PAM: variants seen among roughly 807,000 people sequenced by gnomAD.
PAM encodes the protein peptidyl-glycine alpha-amidating monooxygenase.
Under a neutral mutation model 122.1 loss-of-function variants are expected in PAM, and 72 were observed. The observed-to-expected ratio is 0.59, with a 90% CI of 0.49 to 0.72. The LOEUF is 0.72. PAM is among the 30% of genes least tolerant of loss of function. The probability of loss-of-function intolerance (pLI) is 0.00; values close to 1 mark genes in which losing one functional copy is unlikely to be tolerated. For missense variants in PAM, 1,106 were observed against 1,183.7 expected (o/e 0.93, Z 0.96); for synonymous variants, 389 against 404.4 (o/e 0.96, Z 0.46).
chr5:102,830,963 T>C (rs1332693585), intron 1 of PAM, among the ~76,000 whole-genome samples: 1 of 152,188 alleles, frequency 6.6e-6, no homozygotes, highest in East Asian at 1.9e-4. Flanking sequence ...ACCAGCTCTC[T>C]CAATTAATAG....
intron 1 of PAM, among the ~76,000 whole-genome samples, chr5:102,848,507 T>G (rs994933633): frequency 6.6e-6 from 1 of 152,178 alleles, no homozygotes; most frequent in Non-Finnish European, 1.5e-5. Flanking sequence ...AAAGACCAAC[T>G]TGATGCTCAG....
chr5:102,778,785 G>T (rs1158457602), intron 1 of PAM, among the ~76,000 whole-genome samples: 2 of 152,134 alleles, frequency 1.3e-5, no homozygotes, highest in Non-Finnish European at 2.9e-5. Flanking sequence ...GGTGATGACA[G>T]TTTTCTCAGT....
chr5:102,852,934 GA>G (rs1371896750), intron 1 of PAM, among the ~76,000 whole-genome samples: 1 of 152,066 alleles, frequency 6.6e-6, no homozygotes, highest in Non-Finnish European at 1.5e-5. Flanking sequence ...TTTCTCTAAG[GA>G]AATAAGCAAG....
intron 3 of PAM, among the ~76,000 whole-genome samples, chr5:102,897,287 G>T (rs966327030): frequency 5.9e-5 from 9 of 151,386 alleles, no homozygotes; most frequent in Non-Finnish European, 1.0e-4. Context: ...CACAATCAGG[G>T]GTTGGTATAG....
intron 1 of PAM, among the ~76,000 whole-genome samples, chr5:102,779,977 TATA>T (rs1758283414): frequency 6.7e-6 from 1 of 148,304 alleles, no homozygotes; most frequent in South Asian, 2.1e-4. Flanking sequence ...GGAATCCTAA[TATA>T]GTTACCCTTG....
At chr5:102,787,497 C>A (rs993139553) in intron 1 of PAM, among the ~76,000 whole-genome samples, 1 of 151,464 alleles carries the variant, frequency 6.6e-6, no homozygotes, top group African/African-American at 2.4e-5. Flanking sequence ...TTTTTCTATA[C>A]CTTTCACTAA....
chr5:102,934,085 G>A (rs1006369975), intron 7 of PAM, among the ~76,000 whole-genome samples: 2 of 152,142 alleles, frequency 1.3e-5, no homozygotes, highest in Non-Finnish European at 2.9e-5. Flanking sequence ...GGATATTTAA[G>A]CCTATGTATT....
chr5:102,989,469 T>C (rs1653512623), intron 15 of PAM, among the ~76,000 whole-genome samples: 1 of 152,172 alleles, frequency 6.6e-6, no homozygotes, highest in Admixed American at 6.5e-5. Context: ...ACTGTACCAC[T>C]GCATTCCAGC....
intron 1 of PAM, among the ~76,000 whole-genome samples, chr5:102,840,341 G>T (rs1396021849): frequency 6.6e-6 from 1 of 152,022 alleles, no homozygotes; most frequent in African/African-American, 2.4e-5. Context: ...TAATCATTAT[G>T]ATTATTTTGT....
At chr5:102,956,785 C>A (rs1041417032) in intron 12 of PAM, among the ~76,000 whole-genome samples, 1 of 151,692 alleles carries the variant, frequency 6.6e-6, no homozygotes, top group Non-Finnish European at 1.5e-5. Flanking sequence ...CTGATTTAGC[C>A]GACATTGCAC....
At chr5:102,818,041 A>C (rs867883756) in intron 1 of PAM, among the ~76,000 whole-genome samples, 1 of 150,606 alleles carries the variant, frequency 6.6e-6, no homozygotes. Context: ...AAAAAAAAAA[A>C]AAAAAAGACC....
intron 18 of PAM, among the ~76,000 whole-genome samples, chr5:103,005,712 A>G (rs545542254): frequency 1.3e-5 from 2 of 152,314 alleles, no homozygotes; most frequent in South Asian, 4.1e-4. Flanking sequence ...GATTTGAGGC[A>G]CAAACATTCA....
At chr5:102,799,278 G>T (rs1764106683) in intron 1 of PAM, among the ~76,000 whole-genome samples, 1 of 152,162 alleles carries the variant, frequency 6.6e-6, no homozygotes, top group African/African-American at 2.4e-5. Context: ...AATGCAACGT[G>T]TATATTTAGA....
chr5:102,988,265 T>C (rs1772615984), intron 15 of PAM, among the ~76,000 whole-genome samples: 1 of 143,140 alleles, frequency 7.0e-6, no homozygotes, highest in South Asian at 2.1e-4. Context: ...CCACCTTACC[T>C]TTAAGTGCAT....
intron 15 of PAM, among the ~76,000 whole-genome samples, chr5:102,988,767 G>T (rs1773010436): frequency 6.6e-6 from 1 of 152,038 alleles, no homozygotes; most frequent in South Asian, 2.1e-4. Flanking sequence ...CTTCAGCAAA[G>T]GTTGAACTAA....
chr5:102,990,141 G>A (rs906777485), intron 15 of PAM, 131 bp from the exon 16 acceptor site: 35 of 576,336 alleles, frequency 6.1e-5, no homozygotes, highest in African/African-American at 3.2e-4. Context: ...TGTAGAGCAC[G>A]GCTTGATTGT....
intron 3 of PAM, among the ~76,000 whole-genome samples, chr5:102,887,926 CT>C (rs1231632427): frequency 1.3e-5 from 2 of 151,952 alleles, no homozygotes; most frequent in Non-Finnish European, 2.9e-5. Context: ...CCAATTCCCC[CT>C]ATTCCTCCTG....
At chr5:102,774,237 G>A (rs547182888) in intron 1 of PAM, among the ~76,000 whole-genome samples, 4 of 152,076 alleles carry the variant, frequency 2.6e-5, no homozygotes, top group Admixed American at 6.6e-5. Flanking sequence ...CCAGTAACTG[G>A]ATTGCTGGAT....
chr5:102,953,487 C>A (rs1759670267), intron 12 of PAM, among the ~76,000 whole-genome samples: 1 of 151,962 alleles, frequency 6.6e-6, no homozygotes, highest in African/African-American at 2.4e-5. Context: ...CACATGATCT[C>A]ACTTATATGT....
Sources: allele counts gnomAD v4.1 joint callset (sites outside exome capture counted in the v4.1 genomes callset), GRCh38; gene constraint gnomAD v4.1.1; transcripts MANE v1.5; gene names NCBI Gene and HGNC (gene_info 2026-07-23, HGNC 2026-07-21).